NAA16: variants seen among roughly 807,000 people sequenced by gnomAD.
NAA16 encodes the protein NARG1-like protein.
NAA16 carries 97 observed loss-of-function variants against 110.3 expected under a neutral mutation model. The observed-to-expected ratio is 0.88, with a 90% CI of 0.75 to 1.04. NAA16 has a LOEUF of 1.04. NAA16 is among the 50% of genes least tolerant of loss of function. NAA16 has a pLI of 0.00. For synonymous variants in NAA16, 372 were observed against 330.6 expected (o/e 1.13, Z -1.36); for missense variants, 1,017 against 1,005.1 (o/e 1.01, Z -0.16).
chr13:41,323,907 T>C (rs901727695), intron 5 of NAA16, among the ~76,000 whole-genome samples: 4 of 152,182 alleles, frequency 2.6e-5, no homozygotes, highest in African/African-American at 9.7e-5. Context: ...CACTCCTCTG[T>C]TTATCTGTCA....
Position 41,358,476 on chromosome 13 carries a change from A to T in NAA16, c.1257+3A>T. The T allele has an allele frequency of 6.2e-7, 1 of 1,613,008 alleles. No individual in the cohort carries two copies. The highest frequency in any genetic ancestry group is 8.5e-7 in the Non-Finnish European group (1 of 1,179,168). On this transcript the variant is annotated splice_donor_region_variant and intron_variant, in intron 11 of 19. Transcript: ENST00000379406. ...ATATGAAAGCAAAAATTTACAAGGT[A>T]AAATCTGAATCCTGTTTTTTGAGTA... is the stretch of plus-strand genomic sequence containing the variant.
intron 14 of NAA16, among the ~76,000 whole-genome samples, chr13:41,368,111 T>C (rs1047606693): frequency 1.3e-5 from 2 of 152,124 alleles, no homozygotes; most frequent in African/African-American, 2.4e-5. Context: ...TTTTAAAAAA[T>C]TGTAACTGAA....
At chr13:41,340,022 C>G (rs1187262347) in intron 9 of NAA16, among the ~76,000 whole-genome samples, 2 of 152,012 alleles carry the variant, frequency 1.3e-5, no homozygotes, top group Non-Finnish European at 2.9e-5. Flanking sequence ...ACTCTGATAT[C>G]AAGGTGTTCT....
intron 10 of NAA16, 53 bp from the exon 11 acceptor site, chr13:41,358,250 AT>A: frequency 1.4e-6 from 2 of 1,447,774 alleles, no homozygotes; most frequent in Non-Finnish European, 1.9e-6. Context: ...GAGAGAAAAT[AT>A]GTGATTTGCT....
At chr13:41,324,717 G>C (rs531701654) in intron 5 of NAA16, among the ~76,000 whole-genome samples, 62 of 151,322 alleles carry the variant, frequency 4.1e-4, no homozygotes, top group African/African-American at 1.5e-3. Flanking sequence ...CTAGAGACAG[G>C]ATCTGACTGT....
chr13:41,341,956 C>T (rs1425671277), intron 9 of NAA16, among the ~76,000 whole-genome samples: 11 of 151,592 alleles, frequency 7.3e-5, no homozygotes, highest in Admixed American at 1.3e-4. Flanking sequence ...CTCAGCCTCC[C>T]GAGTAGCTGG....
intron 1 of NAA16, among the ~76,000 whole-genome samples, chr13:41,314,531 A>G (rs886165821): frequency 2.0e-5 from 3 of 152,180 alleles, no homozygotes; most frequent in African/African-American, 4.8e-5. Flanking sequence ...GCCTCAATAT[A>G]AACTTTTTTT....
In NAA16 at chr13:41,374,840, G is replaced by A; in HGVS notation, c.2397+1G>A. Reference sequence around the variant, plus strand: ...AACTATAAAAGATAAAGATGTAAAGGTAAGTTTTTTTTCTTTGGCTGATTT... The same window carrying A: ...AACTATAAAAGATAAAGATGTAAAGATAAGTTTTTTTTCTTTGGCTGATTT... On this transcript the variant is annotated splice_donor_variant, in intron 19 of 19. Coordinates refer to ENST00000379406, the MANE Select transcript of NAA16 (RefSeq NM_024561.5). LOFTEE classifies it high-confidence loss of function. 1 of 1,588,760 alleles carries A rather than the reference G, an allele frequency of 6.3e-7. No homozygotes were observed. Among genetic ancestry groups the A allele is most frequent in the Non-Finnish European group, 8.6e-7 (1 of 1,164,022 alleles).
intron 1 of NAA16, 116 bp downstream of exon 1, chr13:41,311,698 CTT>C (rs2139341865): frequency 1.1e-6 from 1 of 946,764 alleles, no homozygotes; most frequent in East Asian, 2.9e-5. Context: ...GCCCACCGCT[CTT>C]TGTTTACCTC....
Position 41,374,838 on chromosome 13 carries a change from A to G in NAA16, c.2396A>G (p.Lys799Arg), listed in dbSNP as rs775876853. ...LDETIKDKDV[K>R]TLIKVSEALL... ...GAAACTATAAAAGATAAAGATGTAA[A>G]GGTAAGTTTTTTTTCTTTGGCTGAT... Residue 799 changes from lysine (K) to arginine (R), a missense_variant and splice_region_variant, in exon 19 of 20, where the codon AAG (lysine) becomes AGG (arginine). Transcript: ENST00000379406. 6.9e-6 allele frequency: 11 copies of G among 1,593,250 alleles called. No homozygotes were observed. Among genetic ancestry groups the G allele is most frequent in the Non-Finnish European group, 9.4e-6 (11 of 1,166,870 alleles).
intron 1 of NAA16, 29 bp downstream of exon 1, chr13:41,311,611 C>A: frequency 6.3e-7 from 1 of 1,591,238 alleles, no homozygotes. Flanking sequence ...CGCTGCCGCC[C>A]CCCGGTCCCC....
chr13:41,340,006 C>T (rs1240466814), intron 9 of NAA16, among the ~76,000 whole-genome samples: 1 of 152,048 alleles, frequency 6.6e-6, no homozygotes, highest in Non-Finnish European at 1.5e-5. Flanking sequence ...ATAGAATCTT[C>T]TATAAACTCT....
chr13:41,332,629 G>A (rs1223716738), intron 8 of NAA16, among the ~76,000 whole-genome samples: 2 of 152,050 alleles, frequency 1.3e-5, no homozygotes, highest in Non-Finnish European at 2.9e-5. Context: ...TGGGACTTCT[G>A]GTATTTCTTT....
chr13:41,311,532 C>G lies in NAA16; in HGVS notation c.4C>G (p.Pro2Ala). The G allele has an allele frequency of 6.2e-7, 1 of 1,604,830 alleles. No homozygotes were observed. The highest frequency in any genetic ancestry group is 8.5e-7 in the Non-Finnish European group (1 of 1,176,294). M[P>A]NVLLPPKESN... ...CCTAGCCTCCCTGCCGGCCACGATG[C>G]CGAACGTGCTGCTGCCGCCCAAGGA... is the stretch of plus-strand genomic sequence containing the variant. Residue 2 changes from proline (P) to alanine (A), a missense_variant, in exon 1 of 20, where the codon CCG becomes GCG. Coordinates refer to ENST00000379406, the MANE Select transcript of NAA16 (RefSeq NM_024561.5).
chr13:41,354,020 C>A (rs1003978362), intron 9 of NAA16, among the ~76,000 whole-genome samples: 1 of 152,208 alleles, frequency 6.6e-6, no homozygotes, highest in Non-Finnish European at 1.5e-5. Context: ...GGTGTCTGTA[C>A]ATACATGTTT....
At chr13:41,345,457 G>A (rs1179442700) in intron 9 of NAA16, among the ~76,000 whole-genome samples, 2 of 151,998 alleles carry the variant, frequency 1.3e-5, no homozygotes, top group African/African-American at 4.8e-5. Context: ...TGTGCTTATT[G>A]GCCTTTGTAT....
chr13:41,312,669 A>G (rs1002752787), intron 1 of NAA16, among the ~76,000 whole-genome samples: 1 of 152,224 alleles, frequency 6.6e-6, no homozygotes, highest in Non-Finnish European at 1.5e-5. Flanking sequence ...TAAATAAAAT[A>G]CTAATTTTAG....
Position 41,373,792 on chromosome 13 carries a change from GC to G in NAA16, c.2299+17del. ...GCATCTACTTTCAGGTTTGTTTGTA[GC>G]CCCCAGGGTTAAAATACTTATGGAA... On this transcript the variant is annotated intron_variant, in intron 18 of 19. Coordinates refer to ENST00000379406, the MANE Select transcript of NAA16 (RefSeq NM_024561.5). 1 of 1,582,966 alleles carries G rather than the reference GC, an allele frequency of 6.3e-7. No individual in the cohort carries two copies. The highest frequency in any genetic ancestry group is 1.9e-5 in the Admixed American group (1 of 51,944).
chr13:41,330,833 T>G (rs1042119961), intron 7 of NAA16, among the ~76,000 whole-genome samples: 1 of 152,122 alleles, frequency 6.6e-6, no homozygotes, highest in Non-Finnish European at 1.5e-5. Context: ...TTTGCAATCG[T>G]AATCCTAAAA....
Sources: allele counts gnomAD v4.1 joint callset (sites outside exome capture counted in the v4.1 genomes callset), GRCh38; gene constraint gnomAD v4.1.1; transcripts MANE v1.5; gene names NCBI Gene and HGNC (gene_info 2026-07-23, HGNC 2026-07-21).